Variants in NLGN4Y observed in about 807,000 individuals in gnomAD.
NLGN4Y encodes neuroligin-4, Y-linked.
In NLGN4Y, 4 loss-of-function variants were observed where a neutral mutation model predicts 8.4. The observed-to-expected ratio is 0.48, with a 90% CI of 0.23 to 1.09. NLGN4Y has a LOEUF of 1.09. Ranked by LOEUF, NLGN4Y falls within the 50% of genes least tolerant of loss-of-function variation. The pLI is 0.19. For missense variants in NLGN4Y, 90 were observed against 192.3 expected, an observed-to-expected ratio of 0.47 and a Z score of 3.15; for synonymous variants, 35 against 75.6, an observed-to-expected ratio of 0.46 and a Z score of 2.78.
chrY:14,738,122 G>T (rs2080995882), intron 4 of NLGN4Y, among the ~76,000 whole-genome samples: 2 of 32,485 alleles, frequency 6.2e-5, no homozygotes, highest in African/African-American at 1.2e-4. Context: ...TAGGAAAAAG[G>T]TTTTTATATT....
rs756754822 is a variant in NLGN4Y, at chrY:14,841,152, A to G, written c.2401A>G (p.Met801Val). ...ATTTATGACGCCAAACACCATCACC[A>G]TGATTCCAAACACATTGATGGGGAT... is the stretch of plus-strand genomic sequence containing the variant. Reference protein sequence around the residue: ...IPFMTPNTITMIPNTLMGMQP... With the variant: ...IPFMTPNTITVIPNTLMGMQP... Residue 801 changes from methionine to valine, a missense_variant, in exon 7 of 7, where the codon ATG (methionine) becomes GTG (valine). Physicochemically the swap from Met to Val is conservative, Grantham distance 21 (BLOSUM62 1). Transcript: ENST00000684976. The G allele has an allele frequency of 2.5e-6, 1 of 396,394 alleles. No homozygotes were observed. The highest frequency in any genetic ancestry group is 6.5e-5 in the African/African-American group (1 of 15,431).
chrY:14,675,220 C>A (rs2150530876), intron 2 of NLGN4Y, among the ~76,000 whole-genome samples: 1 of 33,173 alleles, frequency 3.0e-5, no homozygotes, highest in East Asian at 8.1e-4. Flanking sequence ...TTACTAGAGT[C>A]CATACTCTAC....
At chrY:14,832,432 G>T (rs751946834) in intron 6 of NLGN4Y, among the ~76,000 whole-genome samples, 1 of 34,390 alleles carries the variant, frequency 2.9e-5, no homozygotes, top group East Asian at 7.7e-4. Context: ...CCTGCATGAA[G>T]AAATGATTTA....
chrY:14,714,992 G>A (rs2080911076), intron 2 of NLGN4Y, among the ~76,000 whole-genome samples: 1 of 34,038 alleles, frequency 2.9e-5, no homozygotes, highest in Admixed American at 2.6e-4. Flanking sequence ...CTCAAAAGAA[G>A]ACATTTATGC....
chrY:14,825,130 G>A, intron 5 of NLGN4Y, among the ~76,000 whole-genome samples: 1 of 32,529 alleles, frequency 3.1e-5, no homozygotes, highest in East Asian at 8.3e-4. Flanking sequence ...GAAACATTAG[G>A]AACATGGCTG....
At chrY:14,828,283 G>A (rs2043156565) in intron 5 of NLGN4Y, among the ~76,000 whole-genome samples, 1 of 30,450 alleles carries the variant, frequency 3.3e-5, no homozygotes, top group African/African-American at 1.3e-4. Context: ...ATATATATAT[G>A]TGTGTGTGTA....
Position 14,622,438 on chromosome Y carries a change from T to A in NLGN4Y, c.319T>A (p.Ser107Thr). 2.5e-6 allele frequency: 1 copy of A among 399,426 alleles called. No individual in the cohort carries two copies. Among genetic ancestry groups the A allele is most frequent in the Non-Finnish European group, 3.5e-6 (1 of 283,742 alleles). Residue 107 changes from serine to threonine, a missense_variant, in exon 2 of 7, where the codon TCT becomes ACT. This residue lies in a region of NLGN4Y where 37 missense variants were observed against 38.5 expected (regional missense o/e 0.96). Transcript: ENST00000684976. ...TGGCATCCGAAATGCTACTCAGTTT[T>A]CTGCTGTGTGCCCCCAGCACCTGGA... ...WTGIRNATQF[S>T]AVCPQHLDER...
chrY:14,602,128 G>A (rs2080429591), intron 1 of NLGN4Y, among the ~76,000 whole-genome samples: 1 of 33,447 alleles, frequency 3.0e-5, no homozygotes, highest in Non-Finnish European at 7.4e-5. Flanking sequence ...TGCCTTGGGT[G>A]TGTTGCATTG....
At chrY:14,556,588 A>G in intron 1 of NLGN4Y, among the ~76,000 whole-genome samples, 1 of 33,151 alleles carries the variant, frequency 3.0e-5, no homozygotes, top group Admixed American at 2.8e-4. Context: ...CTGCGAGAGG[A>G]TACATCTCCC....
At chrY:14,782,956 G>T (rs2042948282) in intron 4 of NLGN4Y, among the ~76,000 whole-genome samples, 1 of 33,818 alleles carries the variant, frequency 3.0e-5, no homozygotes. Flanking sequence ...TTGAATGACT[G>T]ACTCACAACA....
At chrY:14,679,495 CAT>C (rs2080761343) in intron 2 of NLGN4Y, among the ~76,000 whole-genome samples, 1 of 33,283 alleles carries the variant, frequency 3.0e-5, no homozygotes, top group Non-Finnish European at 7.4e-5. Context: ...TAATCATAAA[CAT>C]GTGATGATGT....
intron 2 of NLGN4Y, among the ~76,000 whole-genome samples, chrY:14,699,560 C>T: frequency 3.0e-5 from 1 of 33,454 alleles, no homozygotes; most frequent in African/African-American, 1.2e-4. Context: ...TTATTTATTA[C>T]TTTCTTATTT....
intron 4 of NLGN4Y, among the ~76,000 whole-genome samples, chrY:14,795,357 C>T (rs2043002664): frequency 6.3e-5 from 2 of 31,646 alleles, no homozygotes; most frequent in South Asian, 1.4e-3. Flanking sequence ...TTAATTTGTT[C>T]ATGTAGTAAA....
At chrY:14,531,016 A>G in intron 1 of NLGN4Y, among the ~76,000 whole-genome samples, 1 of 35,000 alleles carries the variant, frequency 2.9e-5, no homozygotes, top group African/African-American at 1.1e-4. Flanking sequence ...GAAGTGAGTG[A>G]ATGCTAGAGG....
chrY:14,721,500 C>T (rs887796071), intron 3 of NLGN4Y, among the ~76,000 whole-genome samples: 1 of 32,870 alleles, frequency 3.0e-5, no homozygotes. Flanking sequence ...AATAAATACT[C>T]GGGTAACTTG....
intron 6 of NLGN4Y, among the ~76,000 whole-genome samples, chrY:14,837,648 G>A (rs2043202037): frequency 9.0e-5 from 3 of 33,353 alleles, no homozygotes; most frequent in Non-Finnish European, 2.2e-4. Flanking sequence ...GGAGAATGAC[G>A]TGGGCTGTCA....
chrY:14,675,679 G>A, intron 2 of NLGN4Y, among the ~76,000 whole-genome samples: 1 of 32,502 alleles, frequency 3.1e-5, no homozygotes, highest in African/African-American at 1.2e-4. Context: ...AGGCTGGCAA[G>A]TCCAAGATCA....
chrY:14,575,152 G>C (rs2080292448), intron 1 of NLGN4Y, among the ~76,000 whole-genome samples: 2 of 33,435 alleles, frequency 6.0e-5, no homozygotes, highest in African/African-American at 2.3e-4. Context: ...CTAGATTGGG[G>C]AACTTCTCCT....
intron 4 of NLGN4Y, among the ~76,000 whole-genome samples, chrY:14,755,892 C>G (rs927658063): frequency 3.3e-4 from 11 of 33,707 alleles, no homozygotes; most frequent in Non-Finnish European, 8.1e-4. Context: ...TTTCTTTACT[C>G]CCACTTCTCC....
Sources: gnomAD v4.1 joint callset for allele counts (sites outside exome capture counted in the v4.1 genomes callset) on GRCh38, gnomAD v4.1.1 for gene constraint, gnomAD v4.1.1 regional missense constraint, MANE v1.5 for transcripts, NCBI Gene and HGNC (gene_info 2026-07-23, HGNC 2026-07-21) for gene names.